The following PTPRD variants were observed in gnomAD, a reference collection of about 807,000 sequenced individuals.
PTPRD encodes the protein protein tyrosine phosphatase receptor type D, also known as receptor-type tyrosine-protein phosphatase delta.
PTPRD carries 34 observed loss-of-function variants against 214.5 expected under a neutral mutation model. The ratio of observed to expected loss-of-function variants is 0.16; its 90% CI spans 0.12 to 0.21. The LOEUF (loss-of-function observed/expected upper bound fraction) is 0.21, where lower values mean the gene tolerates loss of function less well. Among genes scored for constraint, PTPRD ranks in the 10% least tolerant of loss-of-function variants. PTPRD has a pLI of 1.00. For synonymous variants in PTPRD, 1,128 were observed against 845.7 expected, an observed-to-expected ratio of 1.33 and a Z score of -5.79; for missense variants, 2,545 against 2,398.7, an observed-to-expected ratio of 1.06 and a Z score of -1.27.
At chr9:9,393,901 T>C (rs1335970233) in intron 9 of PTPRD, among the ~76,000 whole-genome samples, 4 of 152,162 alleles carry the variant, frequency 2.6e-5, no homozygotes, top group African/African-American at 9.6e-5. Context: ...ACAAATATCA[T>C]AACTATTAGC....
At chr9:10,596,118 T>A (rs1185706493) in intron 2 of PTPRD, among the ~76,000 whole-genome samples, 2 of 151,772 alleles carry the variant, frequency 1.3e-5, no homozygotes, top group Non-Finnish European at 2.9e-5. Flanking sequence ...TTAAGTTAGA[T>A]AATAGGATGT....
intron 3 of PTPRD, among the ~76,000 whole-genome samples, chr9:10,304,949 G>C (rs372418967): frequency 6.6e-6 from 1 of 151,956 alleles, no homozygotes; most frequent in South Asian, 2.1e-4. Context: ...CTGCATTGCC[G>C]AGACAATCCT....
chr9:8,790,708 G>A (rs1009133807), intron 11 of PTPRD, among the ~76,000 whole-genome samples: 1 of 151,334 alleles, frequency 6.6e-6, no homozygotes, highest in African/African-American at 2.4e-5. Context: ...AGGTTAAAAG[G>A]TTGCAAAATA....
chr9:9,963,881 T>G (rs778302678), intron 4 of PTPRD, among the ~76,000 whole-genome samples: 1 of 152,226 alleles, frequency 6.6e-6, no homozygotes, highest in Non-Finnish European at 1.5e-5. Context: ...ACAAACGTTT[T>G]AAGTCCAAGT....
intron 2 of PTPRD, among the ~76,000 whole-genome samples, chr9:10,447,370 A>G (rs1210439241): frequency 6.6e-6 from 1 of 151,958 alleles, no homozygotes; most frequent in Non-Finnish European, 1.5e-5. Context: ...CCTTGATTGA[A>G]GGTACCTTTG....
chr9:10,009,303 A>C (rs1166834593), intron 4 of PTPRD, among the ~76,000 whole-genome samples: 1 of 150,788 alleles, frequency 6.6e-6, no homozygotes, highest in Non-Finnish European at 1.5e-5. Flanking sequence ...TCTGAAAACA[A>C]GTATCCAAGG....
At chr9:10,125,880 A>C (rs1032886711) in intron 3 of PTPRD, among the ~76,000 whole-genome samples, 2 of 152,190 alleles carry the variant, frequency 1.3e-5, no homozygotes, top group African/African-American at 4.8e-5. Context: ...AGAGGTCAAT[A>C]TAGATATAGC....
At chr9:10,059,280 C>T (rs1260713407) in intron 3 of PTPRD, among the ~76,000 whole-genome samples, 2 of 152,138 alleles carry the variant, frequency 1.3e-5, no homozygotes, top group Admixed American at 6.6e-5. Context: ...TTACAACTTC[C>T]ATGTTGCGCA....
At chr9:9,483,761 A>G (rs917714674) in intron 8 of PTPRD, among the ~76,000 whole-genome samples, 1 of 151,932 alleles carries the variant, frequency 6.6e-6, no homozygotes, top group Non-Finnish European at 1.5e-5. Context: ...CAGAAAACAA[A>G]GAAAGTAATG....
intron 8 of PTPRD, among the ~76,000 whole-genome samples, chr9:9,427,308 T>G (rs988442956): frequency 6.6e-6 from 1 of 152,120 alleles, no homozygotes; most frequent in South Asian, 2.1e-4. Context: ...GAAGAAAGGG[T>G]ATCAGTGATG....
chr9:10,247,202 C>A (rs760153225), intron 3 of PTPRD, among the ~76,000 whole-genome samples: 5 of 152,064 alleles, frequency 3.3e-5, no homozygotes, highest in Admixed American at 1.3e-4. Flanking sequence ...ACCTACATAC[C>A]TAGAGAGACA....
chr9:10,154,140 T>C (rs1003153589), intron 3 of PTPRD, among the ~76,000 whole-genome samples: 2 of 152,158 alleles, frequency 1.3e-5, no homozygotes, highest in African/African-American at 4.8e-5. Flanking sequence ...ATCTGTAATT[T>C]TTTGACTTTT....
chr9:8,664,278 C>T (rs1223473142), intron 12 of PTPRD, among the ~76,000 whole-genome samples: 2 of 152,186 alleles, frequency 1.3e-5, no homozygotes, highest in African/African-American at 4.8e-5. Context: ...TCTCATTTCT[C>T]ATCACCATCA....
In PTPRD at chr9:10,556,897, G is replaced by C. The variant is rs555440370; in HGVS notation, c.-600+55501C>G. Among the ~76,000 whole-genome samples the C allele has an allele frequency of 4.6e-5, 7 of 152,076 alleles. No individual in the cohort carries two copies. The East Asian group carries it at 1.4e-3, about 29-fold the overall frequency. On this transcript the variant is annotated intron_variant, in intron 2 of 45. Coordinates refer to ENST00000381196, the MANE Select transcript of PTPRD (RefSeq NM_002839.4). ...TCAAGAGTGAAAAAAATGCTAACTT[G>C]GTTAGAAACGTTGAAAAAATAATAC...
At chr9:9,687,968 T>C (rs2097195290) in intron 7 of PTPRD, among the ~76,000 whole-genome samples, 1 of 151,756 alleles carries the variant, frequency 6.6e-6, no homozygotes, top group Admixed American at 6.6e-5. Flanking sequence ...ACTCACGCTG[T>C]TTTCATAATA....
At chr9:9,843,257 A>C (rs1599488070) in intron 5 of PTPRD, among the ~76,000 whole-genome samples, 2 of 152,178 alleles carry the variant, frequency 1.3e-5, no homozygotes, top group East Asian at 3.9e-4. Flanking sequence ...GGCGGAAATC[A>C]TAATATCGCT....
At chr9:8,668,747 G>C (rs1050012793) in intron 12 of PTPRD, among the ~76,000 whole-genome samples, 2 of 152,092 alleles carry the variant, frequency 1.3e-5, no homozygotes, top group African/African-American at 2.4e-5. Context: ...ATTAAAACTC[G>C]AATCTTTACT....
intron 2 of PTPRD, among the ~76,000 whole-genome samples, chr9:10,382,632 T>C (rs2097846393): frequency 6.6e-6 from 1 of 151,922 alleles, no homozygotes; most frequent in Non-Finnish European, 1.5e-5. Context: ...AAAATAAAGT[T>C]CTTAATCAGC....
chr9:10,185,854 T>C (rs1279709747), intron 3 of PTPRD, among the ~76,000 whole-genome samples: 1 of 152,066 alleles, frequency 6.6e-6, no homozygotes, highest in African/African-American at 2.4e-5. Flanking sequence ...CAGGAGTAGA[T>C]AATAAAACCT....
Sources: gnomAD v4.1 joint callset for allele counts (sites outside exome capture counted in the v4.1 genomes callset) on GRCh38, gnomAD v4.1.1 for gene constraint, MANE v1.5 for transcripts, NCBI Gene and HGNC (gene_info 2026-07-23, HGNC 2026-07-21) for gene names.